Variants in KTN1 observed in about 807,000 individuals in gnomAD.
KTN1 encodes kinectin.
In KTN1, 130 loss-of-function variants were observed where a neutral mutation model predicts 222.5. The observed-to-expected ratio is 0.58, with a 90% CI of 0.51 to 0.68. The LOEUF (loss-of-function observed/expected upper bound fraction) is 0.68. Among genes scored for constraint, KTN1 ranks in the 30% least tolerant of loss-of-function variants. KTN1 has a pLI of 0.00. For missense variants in KTN1, 1,508 were observed against 1,500.4 expected (o/e 1.01, Z -0.08); for synonymous variants, 512 against 496.3 (o/e 1.03, Z -0.42).
intron 24 of KTN1, chr14:55,651,644 C>A: frequency 2.1e-6 from 1 of 466,370 alleles, no homozygotes; most frequent in Non-Finnish European, 3.8e-6. Context: ...AGAAAAAAAG[C>A]ATCACATTAG....
intron 1 of KTN1, among the ~76,000 whole-genome samples, chr14:55,585,955 T>A (rs1566647296): frequency 6.6e-6 from 1 of 152,222 alleles, no homozygotes; most frequent in Non-Finnish European, 1.5e-5. Flanking sequence ...TTTTCAGAAC[T>A]TATGTGAATT....
intron 33 of KTN1, among the ~76,000 whole-genome samples, chr14:55,665,343 T>A (rs2044605729): frequency 6.6e-6 from 1 of 152,032 alleles, no homozygotes; most frequent in African/African-American, 2.4e-5. Context: ...ACACCATTCC[T>A]ACAAGAAGTT....
chr14:55,682,065 T>A (rs1415740651), intron 43 of KTN1: 1 of 152,212 alleles, frequency 6.6e-6, no homozygotes, highest in African/African-American at 2.4e-5. Flanking sequence ...ATGAATTGTT[T>A]ATGATAATGC....
At chr14:55,644,400 G>A in intron 18 of KTN1, 1 of 702,436 alleles carries the variant, frequency 1.4e-6, no homozygotes, top group South Asian at 1.5e-5. Flanking sequence ...GTGCCAAGTT[G>A]TTGTTTCTTC....
chr14:55,595,991 A>G (rs1159859107), intron 1 of KTN1, among the ~76,000 whole-genome samples: 1 of 151,992 alleles, frequency 6.6e-6, no homozygotes, highest in Non-Finnish European at 1.5e-5. Context: ...CGTCTCTACC[A>G]AAAATACAAA....
In KTN1 at chr14:55,641,706, A is replaced by G; in HGVS notation, c.2118A>G (p.Gln706=). 3 of 1,600,152 alleles carry G rather than the reference A, an allele frequency of 1.9e-6. No homozygotes were observed. The highest frequency in any genetic ancestry group is 2.6e-6 in the Non-Finnish European group (3 of 1,167,542). The change falls in exon 18 of 44, where the codon CAA becomes CAG. Residue 706 remains glutamine (Q), a synonymous_variant. Coordinates refer to ENST00000395314, the MANE Select transcript of KTN1 (RefSeq NM_001079521.2). The stretch of plus-strand genomic sequence containing the variant: ...CTTTCTTCCAGATTCTAAATGACCA[A>G]AACAAAGCATTAAAATCAGAAGTTC... ...KMEEFKILND[Q]NKALKSEVQK...
At chr14:55,588,513 T>A (rs2033488683) in intron 1 of KTN1, among the ~76,000 whole-genome samples, 1 of 152,204 alleles carries the variant, frequency 6.6e-6, no homozygotes, top group South Asian at 2.1e-4. Flanking sequence ...AGAACTATGA[T>A]CACTTTTTAC....
At position 55,614,958 on chromosome 14, in the gene KTN1, G is replaced by A. The variant is rs1388233562; in HGVS notation, c.524-1559G>A. Among the ~76,000 whole-genome samples the A allele has an allele frequency of 2.0e-5, 3 of 152,200 alleles. No homozygotes were observed. In the East Asian group the frequency reaches 5.8e-4, roughly 29 times the overall value. On this transcript the variant is annotated intron_variant, in intron 2 of 43. Transcript: ENST00000395314. ...AGCAACTCAGGATGCAGTAGGGTAT[G>A]TAAATGTAGAAAAGTAGATTCAGAA...
intron 17 of KTN1, among the ~76,000 whole-genome samples, chr14:55,641,475 C>T (rs981073046): frequency 6.6e-6 from 1 of 151,978 alleles, no homozygotes; most frequent in African/African-American, 2.4e-5. Context: ...TATTTGTCTC[C>T]ACTGTTGCTG....
chr14:55,651,786 T>A (rs1379648160), intron 24 of KTN1, 104 bp from the exon 25 acceptor site: 2 of 707,280 alleles, frequency 2.8e-6, no homozygotes, highest in Non-Finnish European at 4.8e-6. Context: ...AAAATTCAGC[T>A]AGTTTCTTTG....
chr14:55,635,597 C>G (rs1284963335), intron 9 of KTN1, among the ~76,000 whole-genome samples: 2 of 152,326 alleles, frequency 1.3e-5, no homozygotes, highest in Admixed American at 6.5e-5. Flanking sequence ...TGGCTTTGCT[C>G]AGGCTGACTG....
At chr14:55,629,745 A>C (rs569830807) in intron 6 of KTN1, among the ~76,000 whole-genome samples, 1 of 152,352 alleles carries the variant, frequency 6.6e-6, no homozygotes, top group Non-Finnish European at 1.5e-5. Context: ...ACAGTGGCAA[A>C]GTGTTTATGA....
intron 32 of KTN1, chr14:55,663,449 A>G (rs1348055767): frequency 1.2e-5 from 2 of 165,966 alleles, no homozygotes. Context: ...AAGACATAGG[A>G]CACAGTGGGT....
intron 35 of KTN1, 145 bp downstream of exon 35, chr14:55,670,954 A>G (rs2045390480): frequency 1.9e-6 from 1 of 529,406 alleles, no homozygotes; most frequent in East Asian, 3.2e-5. Context: ...CATTTTGTTT[A>G]AATTTTAGTT....
Position 55,637,334 on chromosome 14 carries a change from C to A in KTN1, c.1686C>A (p.Asn562Lys). 6.3e-7 allele frequency: 1 copy of A among 1,591,970 alleles called. No individual in the cohort carries two copies. The highest frequency in any genetic ancestry group is 8.5e-7 in the Non-Finnish European group (1 of 1,169,782). Residue 562 changes from asparagine to lysine, a missense_variant, in exon 11 of 44, where the codon AAC (asparagine) becomes AAA (lysine). Physicochemically the swap from Asn to Lys is moderately conservative, Grantham distance 94 (BLOSUM62 0). Transcript: ENST00000395314. The stretch of plus-strand genomic sequence containing the variant: ...TGGAATCAGAGCAGAAAAGGGTGAA[C>A]AAAGAAGAGTCTCTACAAATGCAGG... ...QLMESEQKRV[N>K]KEESLQMQVQ...
intron 30 of KTN1, 112 bp downstream of exon 30, chr14:55,658,726 T>A: frequency 1.6e-6 from 1 of 636,874 alleles, no homozygotes; most frequent in South Asian, 2.1e-5. Flanking sequence ...TGAAGTATGT[T>A]TTATTTATGT....
intron 34 of KTN1, among the ~76,000 whole-genome samples, chr14:55,669,098 T>C (rs1017430747): frequency 6.6e-6 from 1 of 152,106 alleles, no homozygotes; most frequent in Non-Finnish European, 1.5e-5. Context: ...CCTGTTTTTG[T>C]TTCTACTTTA....
intron 1 of KTN1, among the ~76,000 whole-genome samples, chr14:55,596,309 A>G (rs1397682808): frequency 6.6e-6 from 1 of 152,102 alleles, no homozygotes; most frequent in East Asian, 1.9e-4. Context: ...AGTACATGAT[A>G]TTTAATAGCT....
intron 4 of KTN1, 24 bp from the exon 5 acceptor site, chr14:55,619,158 T>C (rs2038795596): frequency 4.4e-6 from 7 of 1,578,172 alleles, no homozygotes; most frequent in Non-Finnish European, 5.2e-6. Context: ...CAACTCTTTG[T>C]TTGTTTGTTT....
Sources: allele counts gnomAD v4.1 joint callset (sites outside exome capture counted in the v4.1 genomes callset), GRCh38; gene constraint gnomAD v4.1.1; transcripts MANE v1.5; gene names NCBI Gene and HGNC (gene_info 2026-07-23, HGNC 2026-07-21).